The following CRK variants were observed in gnomAD, a reference collection of about 807,000 sequenced individuals.
The protein encoded by CRK is CRK proto-oncogene, adaptor protein.
A neutral mutation model predicts 29.8 loss-of-function variants in CRK; 4 were observed. That is an observed-to-expected ratio of 0.13 (90% CI 0.07 to 0.31). CRK has a LOEUF of 0.31. CRK is among the 10% of genes least tolerant of loss of function. The pLI, the probability that CRK is intolerant of heterozygous loss-of-function variation, is 1.00. For synonymous variants in CRK, 153 were observed against 164.9 expected, an observed-to-expected ratio of 0.93 and a Z score of 0.55; for missense variants, 274 against 396.5, an observed-to-expected ratio of 0.69 and a Z score of 2.62.
At chr17:1,425,681 A>G (rs1350270631) in intron 2 of CRK, among the ~76,000 whole-genome samples, 1 of 152,230 alleles carries the variant, frequency 6.6e-6, no homozygotes, top group Non-Finnish European at 1.5e-5. Context: ...CTACTGGCCA[A>G]AGCCAACGTA....
intron 1 of CRK, among the ~76,000 whole-genome samples, chr17:1,438,803 G>C (rs573851108): frequency 6.6e-6 from 1 of 151,796 alleles, no homozygotes; most frequent in South Asian, 2.1e-4. Flanking sequence ...AATGAACACA[G>C]TCAAACAAAA....
chr17:1,429,672 T>C (rs1224028508), intron 2 of CRK, among the ~76,000 whole-genome samples: 1 of 151,108 alleles, frequency 6.6e-6, no homozygotes, highest in Non-Finnish European at 1.5e-5. Flanking sequence ...ACACCTATAA[T>C]CCCAGTGCTT....
chr17:1,428,582 G>T (rs1231061344), intron 2 of CRK, among the ~76,000 whole-genome samples: 3 of 134,864 alleles, frequency 2.2e-5, no homozygotes, highest in Non-Finnish European at 4.6e-5. Context: ...AGAGTACAGT[G>T]GCATGATCTC....
At chr17:1,430,806 G>A (rs1430871674) in intron 2 of CRK, among the ~76,000 whole-genome samples, 4 of 151,398 alleles carry the variant, frequency 2.6e-5, no homozygotes, top group East Asian at 2.0e-4. Flanking sequence ...TGTGGCTCAT[G>A]CCTGTAATCC....
At chr17:1,434,611 T>C (rs7222508) in intron 2 of CRK, among the ~76,000 whole-genome samples, 19,828 of 151,874 alleles carry the variant, frequency 0.13, 1,573 homozygotes, top group African/African-American at 0.21. Context: ...GGTGAAACCC[T>C]GTCTCTACTA....
chr17:1,446,716 C>A (rs1316613436), intron 1 of CRK, among the ~76,000 whole-genome samples: 2 of 151,892 alleles, frequency 1.3e-5, no homozygotes. Context: ...CTCAGCCTCC[C>A]GAGCAGCTGG....
At position 1,445,171 on chromosome 17, in the gene CRK, A is replaced by G. The variant is rs963530473; in HGVS notation, c.242-8016T>C. ...AAAAAAAAAAAAAAATCATTCCACT[A>G]TTGGAGAGAGGTAATAAGACACAAT... On this transcript the variant is annotated intron_variant, in intron 1 of 2. Coordinates refer to ENST00000300574, the MANE Select transcript of CRK (RefSeq NM_016823.4). Among the ~76,000 whole-genome samples, 11 of 152,072 alleles carry G rather than the reference A, an allele frequency of 7.2e-5. 1 individual carries two copies. Among genetic ancestry groups the G allele is most frequent in the African/African-American group, 2.7e-4 (11 of 41,496 alleles).
At chr17:1,449,090 C>G (rs926849796) in intron 1 of CRK, among the ~76,000 whole-genome samples, 26 of 152,102 alleles carry the variant, frequency 1.7e-4, no homozygotes, top group African/African-American at 6.3e-4. Context: ...TTCACTACCT[C>G]GAGGGAGTAT....
At chr17:1,434,462 CAT>C (rs1378450706) in intron 2 of CRK, among the ~76,000 whole-genome samples, 2 of 152,144 alleles carry the variant, frequency 1.3e-5, no homozygotes, top group African/African-American at 4.8e-5. Flanking sequence ...ACACATAGTA[CAT>C]ATGTTTTAGC....
In CRK at chr17:1,456,156, C is replaced by T. The variant is rs981754785; in HGVS notation, c.-39G>A. Reference sequence around the variant, plus strand: ...CCTAAACGCTGGGGTGCCGCCGCCGCGCGCGCCCCTCCGGCCCCCGGCGCC... The same window carrying T: ...CCTAAACGCTGGGGTGCCGCCGCCGTGCGCGCCCCTCCGGCCCCCGGCGCC... On this transcript the variant is annotated 5_prime_UTR_variant, in exon 1 of 3. Transcript: ENST00000300574. The T allele has an allele frequency of 6.9e-7, 1 of 1,441,388 alleles. No homozygotes were observed. The highest frequency in any genetic ancestry group is 9.1e-7 in the Non-Finnish European group (1 of 1,097,216). The allele number at this position is 1,441,388 out of a possible 1,614,324, so 89.3% of individuals were successfully genotyped here. A position where few individuals can be genotyped will look rare whatever the true frequency, so the allele number is the denominator to read the frequency against.
intron 1 of CRK, among the ~76,000 whole-genome samples, chr17:1,439,873 T>A (rs1004832309): frequency 6.6e-6 from 1 of 151,622 alleles, no homozygotes; most frequent in Admixed American, 6.6e-5. Context: ...ATGAATTTTG[T>A]TGGGCGTGGT....
At chr17:1,444,964 T>C (rs1179520038) in intron 1 of CRK, among the ~76,000 whole-genome samples, 2 of 151,522 alleles carry the variant, frequency 1.3e-5, no homozygotes, top group Non-Finnish European at 2.9e-5. Flanking sequence ...CTGGCTAACA[T>C]GGTGAAACCC....
intron 1 of CRK, among the ~76,000 whole-genome samples, chr17:1,453,932 G>T (rs1366357763): frequency 2.0e-5 from 3 of 151,878 alleles, no homozygotes; most frequent in Non-Finnish European, 2.9e-5. Context: ...TGGGTGCGGT[G>T]GCCCACGCCT....
rs1350413015 is a variant in CRK at position 1,421,921 on chromosome 17, A to C, written c.*1592T>G. 1.3e-5 allele frequency: 2 copies of C among 152,192 alleles called. No homozygotes were observed. Among genetic ancestry groups the C allele is most frequent in the Non-Finnish European group, 2.9e-5 (2 of 68,044 alleles). 9.4% of individuals were successfully genotyped at this position (152,192 alleles called of 1,614,324 possible). On this transcript the variant is annotated 3_prime_UTR_variant, in exon 3 of 3. Transcript: ENST00000300574. ...GACTGAGAACTAACGTGGAAGTTTC[A>C]TGCTGTCGTCTAAATAGCCTAGGTC... is the stretch of plus-strand genomic sequence containing the variant.
At chr17:1,434,200 T>C (rs926110264) in intron 2 of CRK, among the ~76,000 whole-genome samples, 2 of 152,096 alleles carry the variant, frequency 1.3e-5, no homozygotes, top group Non-Finnish European at 2.9e-5. Flanking sequence ...GTCTTTCAAA[T>C]TGATGGAAAC....
intron 2 of CRK, among the ~76,000 whole-genome samples, chr17:1,431,151 T>G (rs554721830): frequency 3.9e-4 from 59 of 152,178 alleles, no homozygotes; most frequent in Non-Finnish European, 7.6e-4. Context: ...CACATGAAAA[T>G]GCTCCTGAGG....
intron 1 of CRK, among the ~76,000 whole-genome samples, chr17:1,445,792 G>A (rs2073970489): frequency 6.6e-6 from 1 of 152,176 alleles, no homozygotes; most frequent in Non-Finnish European, 1.5e-5. Context: ...GGGCACCCAT[G>A]GCTTAGAAAT....
At position 1,420,966 on chromosome 17, in the gene CRK, TTAA is replaced by T. The variant is rs751041146; in HGVS notation, c.*2544_*2546del. ...ATTAACAATAAACAATTCCAACAAA[TTAA>T]TAAGAATTAACCATGTCAAATATTA... On this transcript the variant is annotated 3_prime_UTR_variant, in exon 3 of 3. Coordinates refer to ENST00000300574, the MANE Select transcript of CRK (RefSeq NM_016823.4). 7.2e-5 allele frequency: 11 copies of T among 152,266 alleles called. No individual in the cohort carries two copies. In the South Asian group the frequency reaches 1.4e-3, roughly 20 times the overall value. The allele number at this position is 152,266 out of a possible 1,614,324, so 9.4% of individuals were successfully genotyped here.
At position 1,447,978 on chromosome 17, in the gene CRK, C is replaced by T. The variant is rs189890941; in HGVS notation, c.241+7899G>A. Among the ~76,000 whole-genome samples the T allele has an allele frequency of 2.3e-3, 353 of 152,158 alleles. 1 individual carries two copies. The highest frequency in any genetic ancestry group is 8.2e-3 in the African/African-American group (339 of 41,530). ...CTTCCTTCTCTGCCTGTGGTATTTA[C>T]AGGGGTTGCTTAGATAAATACCCAC... On this transcript the variant is annotated intron_variant, in intron 1 of 2. Transcript: ENST00000300574.
Sources: gnomAD v4.1 joint callset for allele counts (sites outside exome capture counted in the v4.1 genomes callset) on GRCh38, gnomAD v4.1.1 for gene constraint, MANE v1.5 for transcripts, NCBI Gene and HGNC (gene_info 2026-07-23, HGNC 2026-07-21) for gene names.